Variants in PPA1 observed in about 807,000 individuals in gnomAD.
PPA1 encodes inorganic pyrophosphatase 1.
In PPA1, 23 loss-of-function variants were observed where a neutral mutation model predicts 41.8. That is an observed-to-expected ratio of 0.55 (90% CI 0.40 to 0.78). The LOEUF is 0.78. Among genes scored for constraint, PPA1 ranks in the 30% least tolerant of loss-of-function variants. The pLI is 0.00. For synonymous variants in PPA1, 101 were observed against 116.8 expected (o/e 0.86, Z 0.87); for missense variants, 320 against 361.6 (o/e 0.89, Z 0.93).
At chr10:70,218,453 T>C in intron 3 of PPA1, 1 of 267,694 alleles carries the variant, frequency 3.7e-6, no homozygotes, top group East Asian at 7.5e-5. Context: ...AGAGTATCTG[T>C]GGCTGGGGTG....
chr10:70,207,767 G>GT (rs1414634255), intron 8 of PPA1, among the ~76,000 whole-genome samples: 4 of 151,974 alleles, frequency 2.6e-5, no homozygotes, highest in Non-Finnish European at 4.4e-5. Context: ...TGTTTTTTGG[G>GT]TTTTTTTAGC....
At chr10:70,222,674 C>A in intron 2 of PPA1, among the ~76,000 whole-genome samples, 1 of 151,982 alleles carries the variant, frequency 6.6e-6, no homozygotes, top group East Asian at 1.9e-4. Flanking sequence ...ATGTTTAGCA[C>A]ACTTTTTTTT....
chr10:70,218,375 T>C (rs2044782156), intron 3 of PPA1: 1 of 187,790 alleles, frequency 5.3e-6, no homozygotes. Flanking sequence ...TAAATATCCA[T>C]AACAAAAAGG....
intron 1 of PPA1, 127 bp from the exon 2 acceptor site, chr10:70,230,526 A>C (rs887504973): frequency 8.5e-6 from 8 of 939,958 alleles, no homozygotes; most frequent in Non-Finnish European, 1.1e-5. Flanking sequence ...CAATGGTGTG[A>C]TCTTGGCTCA....
At chr10:70,229,064 G>A (rs572942084) in intron 2 of PPA1, among the ~76,000 whole-genome samples, 1 of 152,278 alleles carries the variant, frequency 6.6e-6, no homozygotes, top group South Asian at 2.1e-4. Context: ...AAACTGAAAG[G>A]TAGAAAAAGA....
chr10:70,222,354 A>AAG (rs1840182280), intron 2 of PPA1, among the ~76,000 whole-genome samples: 1 of 146,804 alleles, frequency 6.8e-6, no homozygotes, highest in Non-Finnish European at 1.5e-5. Context: ...AAAAAAAAAA[A>AAG]AAAAAGAAAT....
chr10:70,217,242 T>TGAAGAA (rs2136759498), intron 4 of PPA1, among the ~76,000 whole-genome samples: 1 of 152,132 alleles, frequency 6.6e-6, no homozygotes, highest in African/African-American at 2.4e-5. Flanking sequence ...ACAAAGAGCT[T>TGAAGAA]GACCTGAAGA....
At chr10:70,208,062 C>T (rs1019502963) in intron 8 of PPA1, among the ~76,000 whole-genome samples, 4 of 151,470 alleles carry the variant, frequency 2.6e-5, no homozygotes, top group Non-Finnish European at 5.9e-5. Flanking sequence ...TGGTGGCATG[C>T]GCCTGTAATC....
chr10:70,210,060 G>A (rs1475021628), intron 6 of PPA1: 2 of 317,108 alleles, frequency 6.3e-6, no homozygotes, highest in African/African-American at 2.2e-5. Context: ...AAGTGTACAA[G>A]ATACTGAAAA....
chr10:70,216,549 T>C (rs1840084290), intron 4 of PPA1, among the ~76,000 whole-genome samples: 1 of 151,958 alleles, frequency 6.6e-6, no homozygotes, highest in Non-Finnish European at 1.5e-5. Context: ...GACAAACAAA[T>C]GACTTTGTGC....
At chr10:70,218,042 A>T in intron 3 of PPA1, 111 bp from the exon 4 acceptor site, 1 of 1,010,258 alleles carries the variant, frequency 9.9e-7, no homozygotes, top group South Asian at 2.4e-5. Flanking sequence ...CACTTTAATG[A>T]TATATTTTAT....
At chr10:70,220,924 T>C (rs1840148675) in intron 2 of PPA1, among the ~76,000 whole-genome samples, 1 of 13,320 alleles carries the variant, frequency 7.5e-5, no homozygotes, top group African/African-American at 3.0e-4. Context: ...ATATATAATT[T>C]TTATATATAC....
At chr10:70,205,003 G>T in intron 9 of PPA1, 88 bp from the exon 10 acceptor site, 1 of 992,854 alleles carries the variant, frequency 1.0e-6, no homozygotes, top group South Asian at 1.5e-5. Context: ...AAGAGAATCT[G>T]AAGACTATCC....
chr10:70,226,061 T>C (rs1201857793), intron 2 of PPA1, among the ~76,000 whole-genome samples: 2 of 152,194 alleles, frequency 1.3e-5, no homozygotes, highest in Admixed American at 6.5e-5. Context: ...CAAAAAACAT[T>C]TGTTCAACAA....
chr10:70,206,355 G>A, intron 8 of PPA1, 22 bp from the exon 9 acceptor site: 1 of 1,566,800 alleles, frequency 6.4e-7, no homozygotes, highest in Non-Finnish European at 8.8e-7. Flanking sequence ...AACAAAAGTA[G>A]TCATAAGACA....
chr10:70,213,886 T>C (rs1243441287), intron 5 of PPA1, among the ~76,000 whole-genome samples: 2 of 152,212 alleles, frequency 1.3e-5, no homozygotes, highest in Non-Finnish European at 2.9e-5. Flanking sequence ...AAGTCCTCCA[T>C]AGTCTCAAAT....
At chr10:70,233,077 C>T (rs578222326) in intron 1 of PPA1, among the ~76,000 whole-genome samples, 187 bp downstream of exon 1, 1 of 152,272 alleles carries the variant, frequency 6.6e-6, no homozygotes, top group South Asian at 2.1e-4. Flanking sequence ...CGGAGGCGAC[C>T]CTCGCCGCCC....
chr10:70,206,410 G>C, intron 8 of PPA1, 77 bp from the exon 9 acceptor site: 1 of 1,051,364 alleles, frequency 9.5e-7, no homozygotes, highest in Non-Finnish European at 1.5e-6. Context: ...TGAGTTGAAA[G>C]TGGTTGACCA....
chr10:70,205,113 A>G, intron 9 of PPA1, 198 bp from the exon 10 acceptor site: 1 of 426,962 alleles, frequency 2.3e-6, no homozygotes. Flanking sequence ...TGGACAGTGC[A>G]GTGGCTCATG....
Sources: allele counts gnomAD v4.1 joint callset (sites outside exome capture counted in the v4.1 genomes callset), GRCh38; gene constraint gnomAD v4.1.1; transcripts MANE v1.5; gene names NCBI Gene and HGNC (gene_info 2026-07-23, HGNC 2026-07-21).